The following EFR3B variants were observed in gnomAD, a reference collection of about 807,000 sequenced individuals.
The protein encoded by EFR3B is EFR3 homolog B, also known as protein EFR3 homolog B.
EFR3B carries 64 observed loss-of-function variants against 104.7 expected under a neutral mutation model. The ratio of observed to expected loss-of-function variants is 0.61; its 90% CI spans 0.50 to 0.75. The LOEUF is 0.75. EFR3B is among the 30% of genes least tolerant of loss of function. The pLI is 0.00. For synonymous variants in EFR3B, 385 were observed against 417.9 expected (o/e 0.92, Z 0.96); for missense variants, 750 against 1,078.5 (o/e 0.70, Z 4.27).
chr2:25,091,507 C>T (rs541115789), intron 2 of EFR3B, 106 bp downstream of exon 2: 338 of 1,008,720 alleles, frequency 3.4e-4, no homozygotes, highest in Non-Finnish European at 4.1e-4. Flanking sequence ...AAGGCAGGGC[C>T]TCTCAGGGTC....
chr2:25,130,827 A>G lies in EFR3B; in HGVS notation c.849+197A>G, dbSNP rs1261173826. Among the ~76,000 whole-genome samples, 21 of 152,230 alleles carry G rather than the reference A, an allele frequency of 1.4e-4. No individual in the cohort carries two copies. The highest frequency in any genetic ancestry group is 1.4e-3 in the Admixed American group (21 of 15,284). ...CAGTACATCACAGACCAATACTTTT[A>G]TAAAATACAATTAAAACAAATAATT... On this transcript the variant is annotated intron_variant, in intron 8 of 22. Coordinates refer to ENST00000403714, the MANE Select transcript of EFR3B (RefSeq NM_014971.2). The surrounding 1 kb of genome is among the most constrained non-coding windows in gnomAD (Gnocchi z 4.6).
At chr2:25,097,220 T>C (rs1214078746) in intron 3 of EFR3B, among the ~76,000 whole-genome samples, 3 of 152,182 alleles carry the variant, frequency 2.0e-5, no homozygotes, top group Non-Finnish European at 4.4e-5. Flanking sequence ...AAAATAGCCA[T>C]TGTAGCCTCT....
intron 1 of EFR3B, among the ~76,000 whole-genome samples, chr2:25,066,371 C>T (rs1224659252): frequency 6.6e-6 from 1 of 152,188 alleles, no homozygotes; most frequent in African/African-American, 2.4e-5. Flanking sequence ...CTTGGCCTAG[C>T]ATTTGAGGGC....
At chr2:25,128,038 A>G in intron 5 of EFR3B, 145 bp from the exon 6 acceptor site, 1 of 892,808 alleles carries the variant, frequency 1.1e-6, no homozygotes, top group South Asian at 1.7e-5. Flanking sequence ...AGGAGGTCTC[A>G]TGAGAGTAGC....
chr2:25,125,772 C>T (rs1323172348), intron 5 of EFR3B, among the ~76,000 whole-genome samples: 9 of 152,176 alleles, frequency 5.9e-5, no homozygotes, highest in Non-Finnish European at 1.2e-4. Context: ...CACGGTGAAA[C>T]CCTGTCTCTA....
chr2:25,078,647 T>G (rs1401243731), intron 1 of EFR3B, among the ~76,000 whole-genome samples: 1 of 152,134 alleles, frequency 6.6e-6, no homozygotes, highest in African/African-American at 2.4e-5. Flanking sequence ...GACCTAGGAA[T>G]TTACAGTTTA....
intron 2 of EFR3B, 50 bp downstream of exon 2, chr2:25,091,451 C>G (rs1259352250): frequency 1.3e-6 from 2 of 1,499,840 alleles, no homozygotes; most frequent in Admixed American, 2.3e-5. Flanking sequence ...CCAGGCAGGG[C>G]CTCTGACGGG....
At chr2:25,100,010 C>T (rs1339645499) in intron 3 of EFR3B, among the ~76,000 whole-genome samples, 3 of 152,018 alleles carry the variant, frequency 2.0e-5, no homozygotes, top group Non-Finnish European at 2.9e-5. Flanking sequence ...CAAGACCAAC[C>T]TGGTCAACAT....
At chr2:25,062,544 G>A (rs958557168) in intron 1 of EFR3B, among the ~76,000 whole-genome samples, 1 of 152,200 alleles carries the variant, frequency 6.6e-6, no homozygotes, top group Non-Finnish European at 1.5e-5. Context: ...GGAGACGGAC[G>A]GTCAAGGGCC....
At chr2:25,059,875 CAAAA>C (rs773320701) in intron 1 of EFR3B, among the ~76,000 whole-genome samples, 9,247 of 48,752 alleles carry the variant, frequency 0.19, 403 homozygotes, top group East Asian at 0.41. Context: ...AACTCTGTCT[CAAAA>C]AAAAAAAAAA....
At chr2:25,119,620 G>A (rs1050045656) in intron 4 of EFR3B, among the ~76,000 whole-genome samples, 1 of 152,188 alleles carries the variant, frequency 6.6e-6, no homozygotes, top group Non-Finnish European at 1.5e-5. Context: ...TGCCAGCAAT[G>A]CCACTTGGAT....
chr2:25,143,876 G>A lies in EFR3B; in HGVS notation c.2050+14G>A. 1 of 1,550,370 alleles carries A rather than the reference G, an allele frequency of 6.5e-7. No homozygotes were observed. Among genetic ancestry groups the A allele is most frequent in the South Asian group, 1.2e-5 (1 of 83,930 alleles). On this transcript the variant is annotated intron_variant, in intron 18 of 22. Coordinates refer to ENST00000403714, the MANE Select transcript of EFR3B (RefSeq NM_014971.2). ...CTCAGCTGACAGGTATGAGTTCTGT[G>A]CAGGGATGCCCGGGCCTGCCTCTGT...
chr2:25,052,243 G>A (rs1210871403), intron 1 of EFR3B, among the ~76,000 whole-genome samples: 3 of 152,042 alleles, frequency 2.0e-5, no homozygotes, highest in East Asian at 3.9e-4. Context: ...TGGGGTTACA[G>A]GCATGAGCCA....
intron 3 of EFR3B, among the ~76,000 whole-genome samples, chr2:25,096,871 G>C (rs1408231383): frequency 1.3e-5 from 2 of 151,982 alleles, no homozygotes; most frequent in Non-Finnish European, 2.9e-5. Flanking sequence ...ACCCACCCCT[G>C]GTGTAAAAAG....
chr2:25,133,565 G>A (rs1037051404), intron 12 of EFR3B, 131 bp downstream of exon 12: 6 of 1,016,998 alleles, frequency 5.9e-6, no homozygotes, highest in South Asian at 2.8e-5. Context: ...CGGTTGAGTC[G>A]GGGCTGAAAT....
In EFR3B at chr2:25,136,007, TAATC is replaced by T. The variant is rs1471238834; in HGVS notation, c.1484+370_1484+373del. On this transcript the variant is annotated intron_variant, in intron 13 of 22. Transcript: ENST00000403714. This position sits in a 1 kb window ranked among gnomAD's most constrained non-coding sequence, Gnocchi z 4.0. The stretch of plus-strand genomic sequence containing the variant: ...GGGGGGAATAAGAGGAGGAAGAAAA[TAATC>T]AGGATGAAGATTTAAGAGAAAGGGG... 2.0e-5 allele frequency among the ~76,000 whole-genome samples: 3 copies of T among 151,768 alleles called. No homozygotes were observed. In the East Asian group the frequency reaches 5.8e-4, roughly 29 times the overall value.
chr2:25,069,809 G>A (rs1408976156), intron 1 of EFR3B, among the ~76,000 whole-genome samples: 2 of 152,014 alleles, frequency 1.3e-5, no homozygotes, highest in East Asian at 3.9e-4. Context: ...ACATTCTCCT[G>A]CCTCAGCCTC....
At chr2:25,123,602 A>G (rs1483342927) in intron 5 of EFR3B, among the ~76,000 whole-genome samples, 1 of 152,116 alleles carries the variant, frequency 6.6e-6, no homozygotes, top group Non-Finnish European at 1.5e-5. Context: ...TAGCTTCCTG[A>G]GTCACCACCA....
chr2:25,121,581 G>T, intron 4 of EFR3B, 92 bp from the exon 5 acceptor site: 1 of 1,500,640 alleles, frequency 6.7e-7, no homozygotes, highest in African/African-American at 1.4e-5. Context: ...GGTTCCCATG[G>T]CTTGACCATG....
Sources: gnomAD v4.1 joint callset for allele counts (sites outside exome capture counted in the v4.1 genomes callset) on GRCh38, gnomAD v4.1.1 for gene constraint, Gnocchi (gnomAD v3.1) non-coding constraint, MANE v1.5 for transcripts, NCBI Gene and HGNC (gene_info 2026-07-23, HGNC 2026-07-21) for gene names.